Variants in LRP5 observed in about 807,000 individuals in gnomAD.
LRP5 encodes LDL receptor related protein 5.
LRP5 carries 62 observed loss-of-function variants against 154.1 expected under a neutral mutation model. The observed-to-expected ratio is 0.40, with a 90% CI of 0.33 to 0.50. The LOEUF (loss-of-function observed/expected upper bound fraction) is 0.50. Ranked by LOEUF, LRP5 falls within the 20% of genes least tolerant of loss-of-function variation. The probability of loss-of-function intolerance (pLI) is 0.55; values close to 1 mark genes in which losing one functional copy is unlikely to be tolerated. For synonymous variants in LRP5, 966 were observed against 1,011.5 expected (o/e 0.96, Z 0.85); for missense variants, 1,915 against 2,336.7 (o/e 0.82, Z 3.72).
intron 7 of LRP5, among the ~76,000 whole-genome samples, chr11:68,400,024 G>T (rs1487994104): frequency 6.6e-6 from 1 of 152,186 alleles, no homozygotes; most frequent in African/African-American, 2.4e-5. Context: ...CAAGTGGTGA[G>T]GTTCAGGGAG....
chr11:68,357,296 T>TAGAG (rs940924214), intron 2 of LRP5, among the ~76,000 whole-genome samples: 1 of 144,154 alleles, frequency 6.9e-6, no homozygotes, highest in Non-Finnish European at 1.6e-5. Flanking sequence ...AATTGCCTTT[T>TAGAG]AGAGGTTCAT....
chr11:68,325,876 A>G (rs1352576914), intron 1 of LRP5, among the ~76,000 whole-genome samples: 1 of 152,204 alleles, frequency 6.6e-6, no homozygotes, highest in African/African-American at 2.4e-5. Flanking sequence ...CAGCGTTGAA[A>G]AGTACCTAGC....
At position 68,413,269 on chromosome 11, in the gene LRP5, G is replaced by A. The variant is rs1421343581; in HGVS notation, c.2504-420G>A. 3.9e-5 allele frequency: 13 copies of A among 331,876 alleles called. No homozygotes were observed. The highest frequency in any genetic ancestry group is 3.3e-4 in the South Asian group (8 of 24,420). The allele number at this position is 331,876 out of a possible 1,614,324, so 20.6% of individuals were successfully genotyped here. On this transcript the variant is annotated intron_variant, in intron 11 of 22. Coordinates refer to ENST00000294304, the MANE Select transcript of LRP5 (RefSeq NM_002335.4). This position sits in a 1 kb window ranked among gnomAD's most constrained non-coding sequence, Gnocchi z 5.1. ...CTCATGTGACCCTGCCAATGAGGGC[G>A]GCCATGTGCATTGCAGCCTGGCCGT...
At chr11:68,403,345 C>A in intron 7 of LRP5, 138 bp from the exon 8 acceptor site, 1 of 712,424 alleles carries the variant, frequency 1.4e-6, no homozygotes, top group Non-Finnish European at 2.5e-6. Context: ...TGGTACCTGG[C>A]AAGGTGCAGG....
Position 68,379,783 on chromosome 11 carries a change from T to G in LRP5, c.1016-6533T>G. ...GTTCCTTCCACCTGCTGTCCTCCTC[T>G]CCTCCTCCCCACCTTCCCTCCTTCC... On this transcript the variant is annotated intron_variant, in intron 5 of 22. Transcript: ENST00000294304. Among the ~76,000 whole-genome samples, 2 of 152,194 alleles carry G rather than the reference T, an allele frequency of 1.3e-5. 1 individual carries two copies. The highest frequency in any genetic ancestry group is 1.3e-4 in the Admixed American group (2 of 15,272).
chr11:68,409,095 T>TATATATATATATACAC (rs1311618305), intron 9 of LRP5, among the ~76,000 whole-genome samples: 2 of 27,750 alleles, frequency 7.2e-5, no homozygotes, highest in African/African-American at 9.4e-5. Context: ...TATATATATA[T>TATATATATATATACAC]ACACACACAT....
intron 7 of LRP5, among the ~76,000 whole-genome samples, chr11:68,395,334 C>T (rs927546996): frequency 7.3e-5 from 11 of 150,864 alleles, no homozygotes; most frequent in South Asian, 2.1e-4. Context: ...AAAGACCAAC[C>T]GAGGAATTGA....
chr11:68,356,174 C>T (rs1457700625), intron 2 of LRP5, among the ~76,000 whole-genome samples: 3 of 147,236 alleles, frequency 2.0e-5, no homozygotes, highest in Admixed American at 6.8e-5. Context: ...CAGGGTCTCA[C>T]TCTGTCATCC....
At chr11:68,300,255 C>G in the LRP5 span, among the ~76,000 whole-genome samples, 3 of 148,886 alleles carry the variant, frequency 2.0e-5, no homozygotes, top group African/African-American at 7.3e-5. Context: ...TGGAGCTGGC[C>G]GAGGATGAGT....
intron 4 of LRP5, among the ~76,000 whole-genome samples, chr11:68,364,968 A>T (rs528748604): frequency 1.6e-4 from 25 of 152,294 alleles, no homozygotes; most frequent in African/African-American, 5.5e-4. Context: ...GGAAGCATTT[A>T]TCGAGTTCCG....
chr11:68,370,638 A>G (rs1333226533), intron 5 of LRP5, among the ~76,000 whole-genome samples: 1 of 152,232 alleles, frequency 6.6e-6, no homozygotes, highest in East Asian at 1.9e-4. Flanking sequence ...CTAGAGACTC[A>G]GCCGTCAGGG....
In LRP5 at chr11:68,414,719, T is replaced by C. The variant is rs191892838; in HGVS notation, c.2827+707T>C. Among the ~76,000 whole-genome samples, 8 of 152,356 alleles carry C rather than the reference T, an allele frequency of 5.3e-5. No individual in the cohort carries two copies. The East Asian group carries it at 1.3e-3, about 26-fold the overall frequency. On this transcript the variant is annotated intron_variant, in intron 12 of 22. Transcript: ENST00000294304. Reference sequence around the variant, plus strand: ...GAACTTGATAGTTTATAAAGCTCTTTGTCATCCAGGCCCCGTTGGAGTCTC... The same window carrying C: ...GAACTTGATAGTTTATAAAGCTCTTCGTCATCCAGGCCCCGTTGGAGTCTC...
intron 7 of LRP5, among the ~76,000 whole-genome samples, chr11:68,393,680 C>T (rs1321480690): frequency 6.6e-6 from 1 of 152,146 alleles, no homozygotes; most frequent in African/African-American, 2.4e-5. Flanking sequence ...ACTTGGGAGG[C>T]TGAGGCAGGA....
intron 1 of LRP5, among the ~76,000 whole-genome samples, chr11:68,326,087 G>A (rs1290950582): frequency 6.6e-6 from 1 of 152,210 alleles, no homozygotes; most frequent in Non-Finnish European, 1.5e-5. Flanking sequence ...TATTCAGTCG[G>A]TACCGAGTGT....
intron 20 of LRP5, among the ~76,000 whole-genome samples, chr11:68,439,419 A>C (rs775987643): frequency 3.3e-5 from 5 of 152,160 alleles, no homozygotes; most frequent in Non-Finnish European, 5.9e-5. Context: ...CTGGCTTCTC[A>C]AGAGCTCCTA....
intron 12 of LRP5, among the ~76,000 whole-genome samples, chr11:68,415,262 C>T (rs2098661894): frequency 6.6e-6 from 1 of 152,174 alleles, no homozygotes; most frequent in African/African-American, 2.4e-5. Flanking sequence ...GCATGTGCTG[C>T]TCACTGACAC....
chr11:68,359,956 G>A (rs1166132460), intron 3 of LRP5, among the ~76,000 whole-genome samples: 2 of 151,430 alleles, frequency 1.3e-5, no homozygotes, highest in Non-Finnish European at 2.9e-5. Flanking sequence ...CTGGCAAATT[G>A]TTGTATTTTT....
chr11:68,365,546 TCTCA>T (rs775170423), intron 4 of LRP5, 21 bp from the exon 5 acceptor site: 1 of 1,613,592 alleles, frequency 6.2e-7, no homozygotes, highest in Non-Finnish European at 8.5e-7. Context: ...TGGAACCTTC[TCTCA>T]CTCTGTCCTG....
At chr11:68,396,603 A>T (rs1172698257) in intron 7 of LRP5, among the ~76,000 whole-genome samples, 1 of 152,200 alleles carries the variant, frequency 6.6e-6, no homozygotes, top group Non-Finnish European at 1.5e-5. Flanking sequence ...AGACGCCCAC[A>T]ACAGATTTAC....
Sources: allele counts gnomAD v4.1 joint callset (sites outside exome capture counted in the v4.1 genomes callset), GRCh38; gene constraint gnomAD v4.1.1; non-coding constraint Gnocchi (gnomAD v3.1); transcripts MANE v1.5; gene names NCBI Gene and HGNC (gene_info 2026-07-23, HGNC 2026-07-21).